The following COL4A1 variants were observed in gnomAD, a reference collection of about 807,000 sequenced individuals.
COL4A1 encodes collagen alpha-1(IV) chain.
COL4A1 carries 40 observed loss-of-function variants against 216.6 expected under a neutral mutation model. The ratio of observed to expected loss-of-function variants is 0.18; its 90% CI spans 0.14 to 0.24. The LOEUF (loss-of-function observed/expected upper bound fraction) is 0.24, where lower values mean the gene tolerates loss of function less well. COL4A1 is among the 10% of genes least tolerant of loss of function. COL4A1 has a pLI of 1.00. For synonymous variants in COL4A1, 839 were observed against 810.7 expected (o/e 1.03, Z -0.59); for missense variants, 1,628 against 2,196.8 (o/e 0.74, Z 5.18).
intron 1 of COL4A1, among the ~76,000 whole-genome samples, chr13:110,243,041 C>A (rs2139246212): frequency 6.6e-6 from 1 of 152,354 alleles, no homozygotes; most frequent in East Asian, 1.9e-4. Flanking sequence ...GAAGTTGACT[C>A]CCTCGGGGAT....
chr13:110,211,678 A>G lies in COL4A1; in HGVS notation c.442-5T>C, dbSNP rs1470924197. 1 of 1,611,192 alleles carries G rather than the reference A, an allele frequency of 6.2e-7. No homozygotes were observed. Among genetic ancestry groups the G allele is most frequent in the South Asian group, 1.1e-5 (1 of 90,062 alleles). On this transcript the variant is annotated splice_region_variant and splice_polypyrimidine_tract_variant and intron_variant, in intron 7 of 51. Transcript: ENST00000375820. The surrounding 1 kb of genome is among the most constrained non-coding windows in gnomAD (Gnocchi z 4.3). ...CCCTGGTAAGCCTGGTGGTCCCTAA[A>G]AAAGAAAGTTTTGGTGTTAGTTTTG...
rs538895183 is a variant in COL4A1 at position 110,269,197 on chromosome 13, C to T, written c.85-26463G>A. Among the ~76,000 whole-genome samples the T allele has an allele frequency of 9.8e-5, 15 of 152,294 alleles. No homozygotes were observed. In the South Asian group the frequency reaches 3.1e-3, roughly 32 times the overall value. ...ATTAACTCATACCTAGAAGAAAATC[C>T]ATTTCCTGATGCCAGTAAAATAAGA... On this transcript the variant is annotated intron_variant, in intron 1 of 51. Transcript: ENST00000375820.
intron 49 of COL4A1, 46 bp from the exon 50 acceptor site, chr13:110,155,443 G>A (rs1249636357): frequency 7.2e-7 from 1 of 1,381,536 alleles, no homozygotes; most frequent in Non-Finnish European, 1.0e-6. Flanking sequence ...GTGCAGGGCA[G>A]AGGCCGCCCT....
rs80142250 is a variant in COL4A1 at position 110,250,827 on chromosome 13, C to T, written c.85-8093G>A. On this transcript the variant is annotated intron_variant, in intron 1 of 51. Coordinates refer to ENST00000375820, the MANE Select transcript of COL4A1 (RefSeq NM_001845.6). ...GCAAGGCCAGTGCGTCCCCAGCATC[C>T]GGGTCCCACGGAGCCCCTCCCAAAC... is the stretch of plus-strand genomic sequence containing the variant. Among the ~76,000 whole-genome samples the T allele has an allele frequency of 8.6e-3, 1,306 of 152,326 alleles. 8 individuals are homozygous for T. The highest frequency in any genetic ancestry group is 0.012 in the Non-Finnish European group (831 of 68,034).
At position 110,192,840 on chromosome 13, in the gene COL4A1, C is replaced by A. The variant is rs886724914; in HGVS notation, c.1455G>T (p.Pro485=). 1.9e-6 allele frequency: 3 copies of A among 1,613,950 alleles called. No homozygotes were observed. Among genetic ancestry groups the A allele is most frequent in the Non-Finnish European group, 2.5e-6 (3 of 1,179,890 alleles). Residue 485 remains proline (P), a synonymous_variant, in exon 23 of 52, where the codon CCG becomes CCT. Transcript: ENST00000375820. The part of the protein sequence containing the change: ...YRGPPGPQGP[P]GEIGFPGQPG... ...ACATGTGGGTCTTACCTATTTCTCCCGGGGGTCCCTGTGGCCCGGGAGGCC... is the reference window on the plus strand; with the variant it reads ...ACATGTGGGTCTTACCTATTTCTCCAGGGGGTCCCTGTGGCCCGGGAGGCC...
chr13:110,218,428 G>A (rs1392138332), intron 2 of COL4A1, among the ~76,000 whole-genome samples: 1 of 152,192 alleles, frequency 6.6e-6, no homozygotes, highest in Admixed American at 6.5e-5. Flanking sequence ...CAGCCTCCAT[G>A]TGCTGGGTGC....
At chr13:110,203,476 C>T in intron 18 of COL4A1, 90 bp downstream of exon 18, 1 of 1,477,334 alleles carries the variant, frequency 6.8e-7, no homozygotes, top group Non-Finnish European at 9.5e-7. Flanking sequence ...AGGGTCCTCT[C>T]CTTCCTCCCC....
intron 2 of COL4A1, among the ~76,000 whole-genome samples, chr13:110,221,805 C>T (rs907433452): frequency 2.0e-5 from 3 of 152,030 alleles, no homozygotes; most frequent in Non-Finnish European, 4.4e-5. Flanking sequence ...TTAAGTCAGT[C>T]CCCCAGAGCA....
At chr13:110,168,755 G>T (rs1231471248) in intron 43 of COL4A1, among the ~76,000 whole-genome samples, 1 of 152,156 alleles carries the variant, frequency 6.6e-6, no homozygotes, top group East Asian at 1.9e-4. Flanking sequence ...CAACATAACT[G>T]CAGAGGTCTG....
chr13:110,292,052 A>G (rs1242832157), intron 1 of COL4A1, among the ~76,000 whole-genome samples: 1 of 152,130 alleles, frequency 6.6e-6, no homozygotes, highest in Non-Finnish European at 1.5e-5. Context: ...ATTCGCCAAA[A>G]CTGTCTTTCC....
At chr13:110,219,240 C>T (rs779841001) in intron 2 of COL4A1, among the ~76,000 whole-genome samples, 15 of 152,142 alleles carry the variant, frequency 9.9e-5, no homozygotes, top group Non-Finnish European at 2.2e-4. Flanking sequence ...AAGAGGAAGG[C>T]GTGAGTGCTC....
chr13:110,208,883 A>G lies in COL4A1; in HGVS notation c.659T>C (p.Met220Thr). The stretch of plus-strand genomic sequence containing the variant: ...TTTTGGTCCTTGAAAACTTAAGCCC[A>G]TTTGTCCCTGTGGATTAAAAATTAG... ...PPGPPGEKGQ[M>T]GLSFQGPKGD... Residue 220 changes from methionine to threonine, a missense_variant, in exon 12 of 52, where the codon ATG becomes ACG. This residue lies in a region of COL4A1 where 23 missense variants were observed against 66.0 expected (regional missense o/e 0.35). Coordinates refer to ENST00000375820, the MANE Select transcript of COL4A1 (RefSeq NM_001845.6). The G allele has an allele frequency of 6.2e-7, 1 of 1,614,102 alleles. No homozygotes were observed. The highest frequency in any genetic ancestry group is 8.5e-7 in the Non-Finnish European group (1 of 1,180,008).
intron 2 of COL4A1, among the ~76,000 whole-genome samples, chr13:110,222,274 A>G (rs1291061211): frequency 6.6e-6 from 1 of 152,168 alleles, no homozygotes; most frequent in Non-Finnish European, 1.5e-5. Context: ...AGAAGTACTC[A>G]GACACTGAAT....
At chr13:110,199,880 A>T (rs1879095282) in intron 20 of COL4A1, among the ~76,000 whole-genome samples, 1 of 152,170 alleles carries the variant, frequency 6.6e-6, no homozygotes, top group Non-Finnish European at 1.5e-5. Context: ...TTAAGAAGAG[A>T]CAAAAGGGAT....
At chr13:110,226,583 A>T (rs1270499907) in intron 2 of COL4A1, among the ~76,000 whole-genome samples, 3 of 152,354 alleles carry the variant, frequency 2.0e-5, no homozygotes, top group African/African-American at 7.2e-5. Context: ...TTGCCAGGTT[A>T]AAACTAGACA....
intron 1 of COL4A1, among the ~76,000 whole-genome samples, chr13:110,252,641 T>C (rs1228957292): frequency 2.9e-5 from 1 of 34,230 alleles, no homozygotes; most frequent in Non-Finnish European, 5.4e-5. Context: ...TATATATACT[T>C]ATATACAAAA....
chr13:110,166,341 C>A (rs375714769), intron 44 of COL4A1, 38 bp from the exon 45 acceptor site: 11 of 1,264,914 alleles, frequency 8.7e-6, no homozygotes, highest in African/African-American at 1.5e-5. Flanking sequence ...GCACAGAATT[C>A]CCAATGATAT....
intron 2 of COL4A1, among the ~76,000 whole-genome samples, chr13:110,238,321 T>C (rs1260876122): frequency 2.0e-5 from 3 of 152,260 alleles, no homozygotes; most frequent in Admixed American, 1.3e-4. Flanking sequence ...ATGTCCCTTT[T>C]TGGAGTCACT....
chr13:110,252,129 T>C (rs920023518), intron 1 of COL4A1, among the ~76,000 whole-genome samples: 1 of 152,136 alleles, frequency 6.6e-6, no homozygotes, highest in Non-Finnish European at 1.5e-5. Context: ...GTTCAGGCAA[T>C]TCTCCTGTCT....
Sources: allele counts gnomAD v4.1 joint callset (sites outside exome capture counted in the v4.1 genomes callset), GRCh38; gene constraint gnomAD v4.1.1; regional missense constraint gnomAD v4.1.1; non-coding constraint Gnocchi (gnomAD v3.1); transcripts MANE v1.5; gene names NCBI Gene and HGNC (gene_info 2026-07-23, HGNC 2026-07-21).